ARHGEF16: variants seen among roughly 807,000 people sequenced by gnomAD.
ARHGEF16 encodes Rho guanine nucleotide exchange factor 16.
In ARHGEF16, 59 loss-of-function variants were observed where a neutral mutation model predicts 74.1. That is an observed-to-expected ratio of 0.80 (90% CI 0.65 to 0.99). The LOEUF (loss-of-function observed/expected upper bound fraction) is 0.99. ARHGEF16 is among the 50% of genes least tolerant of loss of function. ARHGEF16 has a pLI of 0.00. For missense variants in ARHGEF16, 948 were observed against 986.6 expected (o/e 0.96, Z 0.52); for synonymous variants, 415 against 412.6 (o/e 1.01, Z -0.07).
chr1:3,467,665 G>A (rs549057825), intron 4 of ARHGEF16, among the ~76,000 whole-genome samples: 10 of 152,332 alleles, frequency 6.6e-5, no homozygotes, highest in African/African-American at 1.2e-4. Context: ...AATGATCTGC[G>A]TAGGGAGACA....
chr1:3,465,387 G>A (rs1639511596), intron 2 of ARHGEF16, among the ~76,000 whole-genome samples: 1 of 152,136 alleles, frequency 6.6e-6, no homozygotes, highest in Non-Finnish European at 1.5e-5. Flanking sequence ...AGGCAGACAG[G>A]AGGAGAGGAC....
rs1221167194 is a variant in ARHGEF16 at position 3,463,104 on chromosome 1, A to C, written c.20A>C (p.Asp7Ala). Reference protein sequence around the residue: MAQRHSDSSLEEKLLGH... With the variant: MAQRHSASSLEEKLLGH... ...CCCAGCATGGCCCAGCGGCACTCAG[A>C]CAGCTCCTTGGAGGAGAAGCTCCTG... Residue 7 changes from aspartate (D) to alanine (A), a missense_variant, in exon 2 of 15, where the codon GAC becomes GCC. Coordinates refer to ENST00000378378, the MANE Select transcript of ARHGEF16 (RefSeq NM_014448.4). 40 of 1,459,030 alleles carry C rather than the reference A, an allele frequency of 2.7e-5. No individual in the cohort carries two copies. Among genetic ancestry groups the C allele is most frequent in the Non-Finnish European group, 3.5e-5 (38 of 1,100,678 alleles). The allele number at this position is 1,459,030 out of a possible 1,614,324, so 90.4% of individuals were successfully genotyped here.
In ARHGEF16 at chr1:3,480,481, A is replaced by G; in HGVS notation, c.2024A>G (p.Glu675Gly). 1 of 1,612,576 alleles carries G rather than the reference A, an allele frequency of 6.2e-7. No homozygotes were observed. Among genetic ancestry groups the G allele is most frequent in the African/African-American group, 1.3e-5 (1 of 75,052 alleles). The change falls in exon 15 of 15, where the codon GAG becomes GGG. Residue 675 changes from glutamate to glycine, a missense_variant. Coordinates refer to ENST00000378378, the MANE Select transcript of ARHGEF16 (RefSeq NM_014448.4). ...WLYGERLRDG[E>G]TGWFPEDFAR... The stretch of plus-strand genomic sequence containing the variant: ...TATGGCGAGAGGCTCCGGGACGGAG[A>G]GACGGGATGGTTCCCCGAGGACTTT...
chr1:3,463,782 C>G lies in ARHGEF16; in HGVS notation c.588+110C>G, dbSNP rs1035764468. ...CATCATGGCAGCTGCCGTTAGTAAG[C>G]ACCTGCTGCATGAGGGCTCTCGACT... is the stretch of plus-strand genomic sequence containing the variant. On this transcript the variant is annotated intron_variant, in intron 2 of 14. Transcript: ENST00000378378. 1.3e-5 allele frequency: 12 copies of G among 920,054 alleles called. No individual in the cohort carries two copies. The African/African-American group carries it at 1.8e-4, about 14-fold the overall frequency. The allele number at this position is 920,054 out of a possible 1,614,324, so 57.0% of individuals were successfully genotyped here. A position where few individuals can be genotyped will look rare whatever the true frequency, so the allele number is the denominator to read the frequency against.
chr1:3,477,162 G>A (rs1181125191), intron 10 of ARHGEF16, among the ~76,000 whole-genome samples: 1 of 151,510 alleles, frequency 6.6e-6, no homozygotes, highest in Non-Finnish European at 1.5e-5. Context: ...GGGCACAGGT[G>A]GGGAAGCCGG....
chr1:3,467,067 G>A (rs1359955840), intron 3 of ARHGEF16, 101 bp from the exon 4 acceptor site: 14 of 1,280,238 alleles, frequency 1.1e-5, no homozygotes, highest in African/African-American at 6.0e-5. Context: ...CCACACAGCC[G>A]TGAGAGCCTG....
In ARHGEF16 at chr1:3,478,571, C is replaced by G. The variant is rs768387686; in HGVS notation, c.1773C>G (p.Ser591Arg). ...HPFQVTLLRN[S>R]EGRQEQLLLS... ...TCCAGGTGACCCTGCTTCGCAACAGCGAGGGCCGCCAGGAGCAGCTCCTGC... is the reference window on the plus strand; with the variant it reads ...TCCAGGTGACCCTGCTTCGCAACAGGGAGGGCCGCCAGGAGCAGCTCCTGC... Residue 591 changes from serine to arginine, a missense_variant, in exon 12 of 15, where the codon AGC becomes AGG. Physicochemically the swap from Ser to Arg is moderately radical, Grantham distance 110. Coordinates refer to ENST00000378378, the MANE Select transcript of ARHGEF16 (RefSeq NM_014448.4). 10 of 1,612,238 alleles carry G rather than the reference C, an allele frequency of 6.2e-6. No individual in the cohort carries two copies. Among genetic ancestry groups the G allele is most frequent in the Non-Finnish European group, 8.5e-6 (10 of 1,179,734 alleles).
chr1:3,461,818 T>C (rs1035268857), intron 1 of ARHGEF16, among the ~76,000 whole-genome samples: 4 of 152,132 alleles, frequency 2.6e-5, no homozygotes, highest in Non-Finnish European at 5.9e-5. Context: ...TGGCCACGCG[T>C]GCCTATAGTC....
intron 1 of ARHGEF16, among the ~76,000 whole-genome samples, chr1:3,457,330 C>A (rs538303472): frequency 6.6e-6 from 1 of 152,204 alleles, no homozygotes; most frequent in African/African-American, 2.4e-5. Flanking sequence ...TGGGGTCAGC[C>A]GGACCTAGAG....
chr1:3,468,990 C>T (rs1639628971), intron 5 of ARHGEF16, 54 bp downstream of exon 5: 3 of 1,544,110 alleles, frequency 1.9e-6, no homozygotes, highest in African/African-American at 2.7e-5. Flanking sequence ...CCATGCAACA[C>T]CCGGGGAGGG....
At chr1:3,479,031 C>T (rs1012983963) in intron 12 of ARHGEF16, among the ~76,000 whole-genome samples, 64 of 152,330 alleles carry the variant, frequency 4.2e-4, no homozygotes, top group African/African-American at 1.4e-3. Context: ...GGTGCAGCGA[C>T]CCTGGCCGGT....
chr1:3,471,088 G>A (rs1438002579), intron 6 of ARHGEF16, among the ~76,000 whole-genome samples: 15 of 147,884 alleles, frequency 1.0e-4, no homozygotes, highest in Admixed American at 6.0e-4. Context: ...GGGCAGGGGT[G>A]TGTGTGCGTG....
chr1:3,457,308 C>A (rs1239001306), intron 1 of ARHGEF16, among the ~76,000 whole-genome samples: 1 of 152,236 alleles, frequency 6.6e-6, no homozygotes, highest in African/African-American at 2.4e-5. Context: ...GGCCGCGCCC[C>A]ACTGGGCCGA....
At chr1:3,469,394 C>T in intron 5 of ARHGEF16, 39 bp from the exon 6 acceptor site, 1 of 1,608,086 alleles carries the variant, frequency 6.2e-7, no homozygotes. Flanking sequence ...CGCCCGTGTC[C>T]AGCGTCACTG....
intron 11 of ARHGEF16, 112 bp from the exon 12 acceptor site, chr1:3,478,299 TTGGAGCCCGTCCG>T: frequency 8.8e-7 from 1 of 1,138,316 alleles, no homozygotes; most frequent in South Asian, 1.5e-5. Context: ...GCGGGAACTC[TTGGAGCCCGTCCG>T]TGGCTGCCTC....
At chr1:3,479,714 T>TGCCCTG in intron 13 of ARHGEF16, 98 bp from the exon 14 acceptor site, 1 of 1,544,916 alleles carries the variant, frequency 6.5e-7, no homozygotes. Context: ...GGGGATGGGG[T>TGCCCTG]GCCCCGGCCC....
chr1:3,478,444 A>G lies in ARHGEF16; in HGVS notation c.1646A>G (p.Gln549Arg), dbSNP rs1196033219. The G allele has an allele frequency of 1.9e-6, 3 of 1,610,286 alleles. No homozygotes were observed. Among genetic ancestry groups the G allele is most frequent in the African/African-American group, 1.3e-5 (1 of 74,900 alleles). The part of the protein sequence containing the change: ...KKKSEESYMV[Q>R]DYAQMNHIQV... ...CACAGCGAGGAGAGCTACATGGTCCAGGACTACGCCCAGATGAACCACATC... is the reference window on the plus strand; with the variant it reads ...CACAGCGAGGAGAGCTACATGGTCCGGGACTACGCCCAGATGAACCACATC... Residue 549 changes from glutamine (Q) to arginine (R), a missense_variant, in exon 12 of 15, where the codon CAG becomes CGG. Transcript: ENST00000378378.
rs371121813 is a variant in ARHGEF16, at chr1:3,463,078, G to A, written c.-7G>A. ...GCCCTTCCCCCAGGACCCCACAGCC[G>A]CCCAGCATGGCCCAGCGGCACTCAG... On this transcript the variant is annotated 5_prime_UTR_variant, in exon 2 of 15. Transcript: ENST00000378378. The A allele has an allele frequency of 8.9e-4, 1,284 of 1,446,674 alleles. 2 individuals carry two copies. The African/African-American group carries it at 9.6e-3, about 11-fold the overall frequency. 89.6% of individuals were successfully genotyped at this position (1,446,674 alleles called of 1,614,324 possible). A position where few individuals can be genotyped will look rare whatever the true frequency, so the allele number is the denominator to read the frequency against.
At chr1:3,458,452 C>T (rs1639314261) in intron 1 of ARHGEF16, among the ~76,000 whole-genome samples, 1 of 152,240 alleles carries the variant, frequency 6.6e-6, no homozygotes, top group African/African-American at 2.4e-5. Context: ...ACTGGCTCCA[C>T]CAGGAGCCGA....
Sources: allele counts gnomAD v4.1 joint callset (sites outside exome capture counted in the v4.1 genomes callset), GRCh38; gene constraint gnomAD v4.1.1; transcripts MANE v1.5; gene names NCBI Gene and HGNC (gene_info 2026-07-23, HGNC 2026-07-21).